Variants in TTC27 observed in about 807,000 individuals in gnomAD.
The protein encoded by TTC27 is tetratricopeptide repeat protein 27.
A neutral mutation model predicts 115.9 loss-of-function variants in TTC27; 79 were observed. The ratio of observed to expected loss-of-function variants is 0.68; its 90% CI spans 0.57 to 0.82. TTC27 has a LOEUF of 0.82. TTC27 is among the 40% of genes least tolerant of loss of function. The pLI is 0.00. For missense variants in TTC27, 1,054 were observed against 993.1 expected (o/e 1.06, Z -0.82); for synonymous variants, 401 against 356.0 (o/e 1.13, Z -1.42).
At chr2:32,672,036 T>C (rs1666032518) in intron 7 of TTC27, among the ~76,000 whole-genome samples, 2 of 152,228 alleles carry the variant, frequency 1.3e-5, no homozygotes, top group South Asian at 4.1e-4. Flanking sequence ...CAATCAGTGA[T>C]AGCTGTTATT....
At chr2:32,732,488 C>T (rs865818552) in intron 10 of TTC27, among the ~76,000 whole-genome samples, 2 of 152,160 alleles carry the variant, frequency 1.3e-5, no homozygotes, top group Non-Finnish European at 2.9e-5. Context: ...TTAGGAGAAG[C>T]CTCCCTGCTC....
intron 17 of TTC27, among the ~76,000 whole-genome samples, chr2:32,811,535 T>C (rs1671316336): frequency 1.3e-5 from 2 of 152,156 alleles, no homozygotes; most frequent in Admixed American, 1.3e-4. Flanking sequence ...TCCATACCCC[T>C]TTCTGCAGGC....
At chr2:32,677,126 A>G (rs1193055299) in intron 8 of TTC27, among the ~76,000 whole-genome samples, 1 of 152,102 alleles carries the variant, frequency 6.6e-6, no homozygotes, top group Non-Finnish European at 1.5e-5. Context: ...GAGCTTTATA[A>G]AAGTGGTATC....
At position 32,678,771 on chromosome 2, in the gene TTC27, AG is replaced by A. The variant is rs1285129974; in HGVS notation, c.1053-84del. 1.8e-5 allele frequency: 17 copies of A among 921,870 alleles called. No homozygotes were observed. The East Asian group carries it at 2.9e-4, about 16-fold the overall frequency. The allele number at this position is 921,870 out of a possible 1,614,324, so 57.1% of individuals were successfully genotyped here. Reference sequence around the variant, plus strand: ...TGCTTTCAAATATATAAAATATAGCAGTTTACTTTGCTTTTTAAAAATTATA... The same window carrying A: ...TGCTTTCAAATATATAAAATATAGCATTTACTTTGCTTTTTAAAAATTATA... On this transcript the variant is annotated intron_variant, in intron 8 of 19. Coordinates refer to ENST00000317907, the MANE Select transcript of TTC27 (RefSeq NM_017735.5).
At chr2:32,733,437 G>T (rs966900770) in intron 10 of TTC27, among the ~76,000 whole-genome samples, 3 of 152,080 alleles carry the variant, frequency 2.0e-5, no homozygotes, top group Non-Finnish European at 2.9e-5. Flanking sequence ...CCTACATAGA[G>T]TTCTTCATGT....
At chr2:32,773,240 T>C (rs1669887802) in intron 13 of TTC27, among the ~76,000 whole-genome samples, 1 of 152,132 alleles carries the variant, frequency 6.6e-6, no homozygotes, top group Non-Finnish European at 1.5e-5. Flanking sequence ...CCTTCACGAT[T>C]TGCCCTGGAA....
intron 16 of TTC27, among the ~76,000 whole-genome samples, chr2:32,802,325 C>A (rs930910962): frequency 3.3e-5 from 5 of 152,090 alleles, no homozygotes; most frequent in African/African-American, 1.2e-4. Context: ...TTAAAAGTTA[C>A]CTAGTTTTTA....
chr2:32,793,671 T>A (rs942924916), intron 16 of TTC27, among the ~76,000 whole-genome samples: 1 of 151,998 alleles, frequency 6.6e-6, no homozygotes, highest in African/African-American at 2.4e-5. Flanking sequence ...TATAGGTGCC[T>A]GCCACCACGC....
intron 4 of TTC27, among the ~76,000 whole-genome samples, chr2:32,648,720 C>T (rs983263576): frequency 2.0e-5 from 3 of 151,976 alleles, no homozygotes; most frequent in African/African-American, 4.8e-5. Flanking sequence ...TGTCTAAAAT[C>T]CAGTTTCCTA....
At chr2:32,813,996 T>C (rs2148049572) in intron 18 of TTC27, among the ~76,000 whole-genome samples, 1 of 152,320 alleles carries the variant, frequency 6.6e-6, no homozygotes, top group East Asian at 1.9e-4. Flanking sequence ...CCAGTCCTTA[T>C]GCTTTTGGTC....
At chr2:32,731,187 T>TGG (rs1336989808) in intron 10 of TTC27, among the ~76,000 whole-genome samples, 5 of 152,044 alleles carry the variant, frequency 3.3e-5, no homozygotes, top group Non-Finnish European at 5.9e-5. Flanking sequence ...CTCCGCCTCC[T>TGG]GGGCTCAAGT....
intron 9 of TTC27, among the ~76,000 whole-genome samples, chr2:32,679,725 G>T (rs1489186607): frequency 2.6e-5 from 4 of 152,158 alleles, no homozygotes; most frequent in Non-Finnish European, 4.4e-5. Flanking sequence ...GGGCGAGGTG[G>T]CTCATGCCTG....
chr2:32,715,774 G>T (rs1667732756), intron 10 of TTC27, among the ~76,000 whole-genome samples: 1 of 152,030 alleles, frequency 6.6e-6, no homozygotes, highest in African/African-American at 2.4e-5. Context: ...TTGATTGGAG[G>T]AATATTAGTC....
chr2:32,678,054 A>G (rs1666278611), intron 8 of TTC27, among the ~76,000 whole-genome samples: 1 of 152,144 alleles, frequency 6.6e-6, no homozygotes, highest in Admixed American at 6.6e-5. Flanking sequence ...CCAGGAGTTC[A>G]AGACCAGCCT....
intron 5 of TTC27, among the ~76,000 whole-genome samples, chr2:32,659,257 G>T (rs1263953461): frequency 2.0e-5 from 3 of 151,880 alleles, no homozygotes; most frequent in Non-Finnish European, 4.4e-5. Flanking sequence ...GAGCCACGAT[G>T]CCCAGCCCCT....
rs745366585 is a variant in TTC27 at position 32,666,774 on chromosome 2, T to C, written c.939+6T>C. On this transcript the variant is annotated splice_donor_region_variant and intron_variant, in intron 7 of 19. Coordinates refer to ENST00000317907, the MANE Select transcript of TTC27 (RefSeq NM_017735.5). ...CTCAGGAACATTTAACCAAGGCAAGTAGGACATTAAGTTATTAAATTCAAT... is the reference window on the plus strand; with the variant it reads ...CTCAGGAACATTTAACCAAGGCAAGCAGGACATTAAGTTATTAAATTCAAT... 1 of 1,611,596 alleles carries C rather than the reference T, an allele frequency of 6.2e-7. No individual in the cohort carries two copies.
At chr2:32,725,549 A>G (rs1377187495) in intron 10 of TTC27, among the ~76,000 whole-genome samples, 2 of 152,188 alleles carry the variant, frequency 1.3e-5, no homozygotes, top group Non-Finnish European at 2.9e-5. Context: ...GTGGGTTCCC[A>G]TGGTCTTGGA....
intron 9 of TTC27, among the ~76,000 whole-genome samples, chr2:32,694,891 C>T (rs570687482): frequency 6.6e-6 from 1 of 151,766 alleles, no homozygotes; most frequent in East Asian, 1.9e-4. Flanking sequence ...GTTGCTTAGG[C>T]TGATCTCAAA....
chr2:32,646,557 GTTT>G (rs369232306), intron 4 of TTC27, among the ~76,000 whole-genome samples: 48 of 114,486 alleles, frequency 4.2e-4, no homozygotes, highest in African/African-American at 1.4e-3. Context: ...TCTATATTTG[GTTT>G]TTTTTTTTTT....
Sources: allele counts gnomAD v4.1 joint callset (sites outside exome capture counted in the v4.1 genomes callset), GRCh38; gene constraint gnomAD v4.1.1; transcripts MANE v1.5; gene names NCBI Gene and HGNC (gene_info 2026-07-23, HGNC 2026-07-21).